The following ASIC2 variants were observed in gnomAD, a reference collection of about 807,000 sequenced individuals.
ASIC2 encodes the protein acid-sensing ion channel 2.
In ASIC2, 25 loss-of-function variants were observed where a neutral mutation model predicts 57.3. That is an observed-to-expected ratio of 0.44 (90% CI 0.32 to 0.61). ASIC2 has a LOEUF of 0.61. Among genes scored for constraint, ASIC2 ranks in the 20% least tolerant of loss-of-function variants. The pLI is 0.06. For synonymous variants in ASIC2, 319 were observed against 307.5 expected (o/e 1.04, Z -0.39); for missense variants, 641 against 738.1 (o/e 0.87, Z 1.52).
intron 1 of ASIC2, among the ~76,000 whole-genome samples, chr17:33,312,544 C>T (rs1906473077): frequency 6.6e-6 from 1 of 152,178 alleles, no homozygotes; most frequent in African/African-American, 2.4e-5. Flanking sequence ...CAGAACTGGC[C>T]AGCCATGCTA....
chr17:34,013,708 A>G (rs1307925383), intron 1 of ASIC2, among the ~76,000 whole-genome samples: 4 of 152,296 alleles, frequency 2.6e-5, no homozygotes, highest in South Asian at 4.1e-4. Context: ...TCCAGGCCAC[A>G]TTGCTAAAGG....
intron 1 of ASIC2, among the ~76,000 whole-genome samples, chr17:33,495,829 C>T (rs1404600892): frequency 6.6e-6 from 1 of 152,154 alleles, no homozygotes; most frequent in East Asian, 1.9e-4. Context: ...CCTTAGGGAT[C>T]CAAGAGCAAA....
intron 1 of ASIC2, among the ~76,000 whole-genome samples, chr17:33,378,403 A>T (rs1909357078): frequency 6.6e-6 from 1 of 152,136 alleles, no homozygotes; most frequent in Non-Finnish European, 1.5e-5. Flanking sequence ...GCTGGTTCAG[A>T]GGGCTAGCAG....
At chr17:33,776,981 C>T (rs1911300380) in intron 1 of ASIC2, among the ~76,000 whole-genome samples, 1 of 152,210 alleles carries the variant, frequency 6.6e-6, no homozygotes, top group East Asian at 1.9e-4. Context: ...CCCTGTGTCT[C>T]CCCTTCCGAG....
chr17:33,542,251 G>T (rs987051622), intron 1 of ASIC2, among the ~76,000 whole-genome samples: 2 of 151,210 alleles, frequency 1.3e-5, no homozygotes, highest in Non-Finnish European at 2.9e-5. Flanking sequence ...AGTCATTTGG[G>T]TATATACCCA....
intron 1 of ASIC2, among the ~76,000 whole-genome samples, chr17:34,130,180 G>C (rs2214450): frequency 0.14 from 21,748 of 152,166 alleles, 1,954 homozygotes; most frequent in African/African-American, 0.26. Context: ...GACTGAGCCT[G>C]TCACACACTT....
intron 1 of ASIC2, among the ~76,000 whole-genome samples, chr17:34,104,381 T>C (rs1335741226): frequency 1.3e-5 from 2 of 152,120 alleles, no homozygotes; most frequent in Non-Finnish European, 2.9e-5. Context: ...TTGAATACTA[T>C]CTGTGAGTTT....
chr17:34,138,266 A>G (rs1169540447), intron 1 of ASIC2, among the ~76,000 whole-genome samples: 2 of 152,230 alleles, frequency 1.3e-5, no homozygotes, highest in East Asian at 1.9e-4. Flanking sequence ...CAATGCATTA[A>G]AACACATGCG....
At chr17:33,270,444 A>G (rs1286270927) in intron 1 of ASIC2, among the ~76,000 whole-genome samples, 1 of 152,148 alleles carries the variant, frequency 6.6e-6, no homozygotes, top group Non-Finnish European at 1.5e-5. Flanking sequence ...CTGAAATGCA[A>G]ATTTGATACT....
chr17:34,144,486 A>G (rs1912362367), intron 1 of ASIC2, among the ~76,000 whole-genome samples: 1 of 152,168 alleles, frequency 6.6e-6, no homozygotes, highest in African/African-American at 2.4e-5. Context: ...TCCTGTCACT[A>G]TGTTGTATCA....
At chr17:33,826,160 T>G (rs1431029058) in intron 1 of ASIC2, among the ~76,000 whole-genome samples, 1 of 152,260 alleles carries the variant, frequency 6.6e-6, no homozygotes, top group Non-Finnish European at 1.5e-5. Flanking sequence ...GTTGATTAGA[T>G]GGATACAATA....
At chr17:33,657,691 T>C (rs1907118252) in intron 1 of ASIC2, among the ~76,000 whole-genome samples, 1 of 144,726 alleles carries the variant, frequency 6.9e-6, no homozygotes, top group Non-Finnish European at 1.5e-5. Context: ...CGAAAGCTTA[T>C]ATGAAAACAA....
chr17:34,074,775 T>G (rs901709352), intron 1 of ASIC2, among the ~76,000 whole-genome samples: 24 of 143,846 alleles, frequency 1.7e-4, no homozygotes, highest in Non-Finnish European at 3.6e-4. Context: ...TTTTTCTTTC[T>G]TTCTTTCTTT....
chr17:33,532,173 C>T (rs920697897), intron 1 of ASIC2, among the ~76,000 whole-genome samples: 13 of 152,198 alleles, frequency 8.5e-5, no homozygotes, highest in Non-Finnish European at 5.9e-5. Context: ...GGCACCTCCA[C>T]GGTTTGCCCT....
chr17:33,959,778 A>T lies in ASIC2; in HGVS notation c.555+196200T>A, dbSNP rs199743107. Among the ~76,000 whole-genome samples the T allele has an allele frequency of 2.4e-4, 37 of 152,348 alleles. 1 individual carries two copies. The East Asian group carries it at 7.1e-3, about 29-fold the overall frequency. On this transcript the variant is annotated intron_variant, in intron 1 of 9. Coordinates refer to the ASIC2 transcript ENST00000359872. ...CTGCCTCTCCCAGTCCACTGACTCA[A>T]ATGTTAATCTCCTTTGGCAACACCT... is the stretch of plus-strand genomic sequence containing the variant.
chr17:33,272,055 G>A (rs939041896), intron 1 of ASIC2, among the ~76,000 whole-genome samples: 2 of 146,888 alleles, frequency 1.4e-5, no homozygotes, highest in African/African-American at 5.2e-5. Flanking sequence ...TCTGCCCAGA[G>A]CACCTTGCCT....
intron 1 of ASIC2, among the ~76,000 whole-genome samples, chr17:33,362,541 A>G (rs1461170110): frequency 1.3e-5 from 2 of 152,236 alleles, no homozygotes; most frequent in Non-Finnish European, 2.9e-5. Flanking sequence ...GGATCAAAGC[A>G]GAGATCTTGC....
At chr17:33,221,474 C>T (rs1339132767) in intron 1 of ASIC2, among the ~76,000 whole-genome samples, 1 of 152,264 alleles carries the variant, frequency 6.6e-6, no homozygotes, top group East Asian at 1.9e-4. Context: ...CTTCAATTGA[C>T]CTCAGAATAA....
intron 1 of ASIC2, chr17:33,569,031 T>G (rs1426692537): frequency 6.6e-6 from 1 of 152,250 alleles, no homozygotes; most frequent in Non-Finnish European, 1.5e-5. Flanking sequence ...TATGGACTGT[T>G]CAACTCACTT....
Sources: allele counts gnomAD v4.1 joint callset (sites outside exome capture counted in the v4.1 genomes callset), GRCh38; gene constraint gnomAD v4.1.1; transcripts MANE v1.5; gene names NCBI Gene and HGNC (gene_info 2026-07-23, HGNC 2026-07-21).